NUP42: variants seen among roughly 807,000 people sequenced by gnomAD.
NUP42 encodes nucleoporin NUP42.
NUP42 carries 47 observed loss-of-function variants against 35.9 expected under a neutral mutation model. That is an observed-to-expected ratio of 1.31 (90% CI 1.04 to 1.67). The LOEUF (loss-of-function observed/expected upper bound fraction) is 1.67, where lower values mean the gene tolerates loss of function less well. Ranked by LOEUF, NUP42 falls within the 40% of genes most tolerant of loss-of-function variation. NUP42 has a pLI of 0.00. For missense variants in NUP42, 514 were observed against 492.2 expected, an observed-to-expected ratio of 1.04 and a Z score of -0.42; for synonymous variants, 173 against 173.3, an observed-to-expected ratio of 1.00 and a Z score of 0.01.
At chr7:23,186,307 C>A (rs1785593871) in intron 2 of NUP42, among the ~76,000 whole-genome samples, 1 of 152,130 alleles carries the variant, frequency 6.6e-6, no homozygotes. Flanking sequence ...GAGTCATATA[C>A]CATATACAAC....
intron 6 of NUP42, 87 bp from the exon 7 acceptor site, chr7:23,200,081 A>G: frequency 1.0e-6 from 1 of 984,646 alleles, no homozygotes; most frequent in South Asian, 1.8e-5. Context: ...TAAATAAGAA[A>G]AAAAGATAGG....
intron 6 of NUP42, 32 bp from the exon 7 acceptor site, chr7:23,200,136 G>A (rs1301165867): frequency 7.9e-6 from 11 of 1,394,070 alleles, no homozygotes; most frequent in Admixed American, 2.6e-5. Flanking sequence ...ATAGATTTTT[G>A]TTGTTTTTTT....
Position 23,191,530 on chromosome 7 carries a change from G to GA in NUP42, c.446-4307dup, listed in dbSNP as rs1369600473. On this transcript the variant is annotated intron_variant, in intron 3 of 6. Coordinates refer to ENST00000258742, the MANE Select transcript of NUP42 (RefSeq NM_007342.3). ...GGCCTGAGAGGTCAGTAAAGATGGG[G>GA]AAGACAAGTCATTAGAAGGAATCCA... Among the ~76,000 whole-genome samples the GA allele has an allele frequency of 4.6e-5, 7 of 152,250 alleles. No homozygotes were observed. In the East Asian group the frequency reaches 1.4e-3, roughly 29 times the overall value.
chr7:23,192,683 T>G (rs933023340), intron 3 of NUP42, among the ~76,000 whole-genome samples: 6 of 152,090 alleles, frequency 3.9e-5, no homozygotes, highest in African/African-American at 1.4e-4. Flanking sequence ...TAGGTGGGTG[T>G]GGTCTTGCTG....
rs780114897 is a variant in NUP42, at chr7:23,182,335, T to C, written c.121+129T>C. Reference sequence around the variant, plus strand: ...CGCGTCGCGGCCTTGCCGGCCCTACTGGGCCCTGCACAACGTTTTTAAACC... The same window carrying C: ...CGCGTCGCGGCCTTGCCGGCCCTACCGGGCCCTGCACAACGTTTTTAAACC... On this transcript the variant is annotated intron_variant, in intron 1 of 6. Coordinates refer to ENST00000258742, the MANE Select transcript of NUP42 (RefSeq NM_007342.3). 53 of 1,471,186 alleles carry C rather than the reference T, an allele frequency of 3.6e-5. 1 individual carries two copies. Among genetic ancestry groups the C allele is most frequent in the Non-Finnish European group, 4.6e-5 (51 of 1,115,832 alleles). The allele number at this position is 1,471,186 out of a possible 1,614,324, so 91.1% of individuals were successfully genotyped here.
rs1196695026 is a variant in NUP42, at chr7:23,200,993, C to A, written c.*248C>A. 8.3e-6 allele frequency: 2 copies of A among 240,142 alleles called. No individual in the cohort carries two copies. The highest frequency in any genetic ancestry group is 1.6e-5 in the Non-Finnish European group (2 of 126,594). The allele number at this position is 240,142 out of a possible 1,614,324, so 14.9% of individuals were successfully genotyped here. A position where few individuals can be genotyped will look rare whatever the true frequency, so the allele number is the denominator to read the frequency against. On this transcript the variant is annotated 3_prime_UTR_variant, in exon 7 of 7. Transcript: ENST00000258742. ...TGAAAAATTATGCACGAATAAAGTA[C>A]TTTTCTCATGCCATACCACTTTACT...
intron 6 of NUP42, among the ~76,000 whole-genome samples, 160 bp downstream of exon 6, chr7:23,199,702 A>G (rs895307408): frequency 3.3e-5 from 5 of 152,242 alleles, no homozygotes; most frequent in Non-Finnish European, 7.3e-5. Context: ...CATTTGTGAA[A>G]GGGAGGCCAG....
chr7:23,193,407 A>G (rs1785882992), intron 3 of NUP42, among the ~76,000 whole-genome samples: 1 of 152,160 alleles, frequency 6.6e-6, no homozygotes, highest in South Asian at 2.1e-4. Context: ...TCCCTGAGCT[A>G]GACACAAAGG....
intron 1 of NUP42, among the ~76,000 whole-genome samples, chr7:23,183,886 CT>C (rs58061757): frequency 0.048 from 6,186 of 128,780 alleles, 164 homozygotes; most frequent in South Asian, 0.1. Context: ...GCAATCTCCA[CT>C]TTTTTTTTTT....
chr7:23,197,646 G>A (rs960073510), intron 5 of NUP42, among the ~76,000 whole-genome samples: 14 of 152,042 alleles, frequency 9.2e-5, no homozygotes, highest in East Asian at 3.9e-4. Flanking sequence ...AGGGCTGGAA[G>A]GTCCCTGCTC....
intron 3 of NUP42, among the ~76,000 whole-genome samples, chr7:23,191,295 T>C (rs1049613421): frequency 1.3e-5 from 2 of 152,030 alleles, no homozygotes; most frequent in Admixed American, 1.3e-4. Flanking sequence ...CTCAGCATGC[T>C]GTGTGAGGGG....
At chr7:23,196,565 A>G (rs1786017558) in intron 4 of NUP42, 115 bp from the exon 5 acceptor site, 4 of 743,148 alleles carry the variant, frequency 5.4e-6, no homozygotes, top group Non-Finnish European at 8.9e-6. Context: ...ATGGGCCATA[A>G]AACTGTTACA....
chr7:23,184,440 C>T (rs1468254666), intron 1 of NUP42, among the ~76,000 whole-genome samples: 1 of 152,162 alleles, frequency 6.6e-6, no homozygotes, highest in African/African-American at 2.4e-5. Context: ...TGCATGCCTT[C>T]TGTCAACTTT....
rs1364025154 is a variant in NUP42, at chr7:23,182,200, C to G, written c.115C>G (p.Pro39Ala). 1.2e-6 allele frequency: 2 copies of G among 1,609,788 alleles called. No homozygotes were observed. Among genetic ancestry groups the G allele is most frequent in the Non-Finnish European group, 1.7e-6 (2 of 1,178,030 alleles). The change falls in exon 1 of 7, where the codon CCT becomes GCT. Residue 39 changes from proline to alanine, a missense_variant. Physicochemically the swap from Pro to Ala is conservative, Grantham distance 27. Transcript: ENST00000258742. ...AGGACGGCAGCAACCGCAGCAGCAG[C>G]CTTCAGGTGACTCTCCTCTGAATCC... ...GGGRQQPQQQPSGNNRRGWNT... is the reference protein window; with the variant it reads ...GGGRQQPQQQASGNNRRGWNT...
chr7:23,196,970 T>C (rs147903423), intron 5 of NUP42, among the ~76,000 whole-genome samples: 141 of 152,368 alleles, frequency 9.3e-4, no homozygotes, highest in African/African-American at 3.3e-3. Context: ...GAAATAGTTA[T>C]GCTTTTTAAA....
At chr7:23,182,963 T>C (rs536414886) in intron 1 of NUP42, among the ~76,000 whole-genome samples, 2 of 151,260 alleles carry the variant, frequency 1.3e-5, no homozygotes, top group Admixed American at 1.3e-4. Context: ...ATAAAACCTA[T>C]AGAGCCATAC....
At chr7:23,193,938 T>C (rs1022035146) in intron 3 of NUP42, among the ~76,000 whole-genome samples, 1 of 152,198 alleles carries the variant, frequency 6.6e-6, no homozygotes, top group African/African-American at 2.4e-5. Context: ...CCGGCACTGC[T>C]GAGGACCCAG....
chr7:23,198,006 C>T (rs1401579402), intron 5 of NUP42, among the ~76,000 whole-genome samples: 3 of 151,804 alleles, frequency 2.0e-5, no homozygotes, highest in South Asian at 2.1e-4. Flanking sequence ...CCCAGCACTT[C>T]GGGAGGCTGA....
chr7:23,189,517 AG>A (rs1344074707), intron 3 of NUP42, among the ~76,000 whole-genome samples: 2 of 152,204 alleles, frequency 1.3e-5, no homozygotes, highest in African/African-American at 4.8e-5. Context: ...CTGGAGGCTG[AG>A]GTGGGGGGAT....
Sources: gnomAD v4.1 joint callset for allele counts (sites outside exome capture counted in the v4.1 genomes callset) on GRCh38, gnomAD v4.1.1 for gene constraint, MANE v1.5 for transcripts, NCBI Gene and HGNC (gene_info 2026-07-23, HGNC 2026-07-21) for gene names.